Variants in MVB12B observed in about 807,000 individuals in gnomAD.
MVB12B encodes ESCRT-I complex subunit MVB12B.
MVB12B carries 16 observed loss-of-function variants against 41.6 expected under a neutral mutation model. The observed-to-expected ratio is 0.38, with a 90% CI of 0.26 to 0.58. The LOEUF is 0.58. MVB12B is among the 20% of genes least tolerant of loss of function. The pLI is 0.62. For synonymous variants in MVB12B, 133 were observed against 139.7 expected, an observed-to-expected ratio of 0.95 and a Z score of 0.34; for missense variants, 274 against 380.2, an observed-to-expected ratio of 0.72 and a Z score of 2.32.
At position 126,340,725 on chromosome 9, in the gene MVB12B, T is replaced by C. The variant is rs989555052; in HGVS notation, c.204+95T>C. 4.2e-6 allele frequency: 6 copies of C among 1,431,700 alleles called. No homozygotes were observed. The African/African-American group carries it at 8.5e-5, about 20-fold the overall frequency. The allele number at this position is 1,431,700 out of a possible 1,614,324, so 88.7% of individuals were successfully genotyped here. Reference sequence around the variant, plus strand: ...CCTTCTGGCCCTTGCGTGTAAGATGTGCTTCTTCCCTCTAGGAACTTAATC... The same window carrying C: ...CCTTCTGGCCCTTGCGTGTAAGATGCGCTTCTTCCCTCTAGGAACTTAATC... On this transcript the variant is annotated intron_variant, in intron 2 of 9. Coordinates refer to ENST00000361171, the MANE Select transcript of MVB12B (RefSeq NM_033446.3). This position sits in a 1 kb window ranked among gnomAD's most constrained non-coding sequence, Gnocchi z 4.0.
At chr9:126,404,251 G>A (rs1338927867) in intron 6 of MVB12B, among the ~76,000 whole-genome samples, 3 of 152,050 alleles carry the variant, frequency 2.0e-5, no homozygotes, top group Non-Finnish European at 2.9e-5. Flanking sequence ...CACCACACCC[G>A]GCCAACTCGT....
chr9:126,420,621 T>G (rs1473144605), intron 6 of MVB12B, among the ~76,000 whole-genome samples: 1 of 136,336 alleles, frequency 7.3e-6, no homozygotes. Context: ...CTGTTGCCCA[T>G]GCTAGAGTGC....
intron 2 of MVB12B, among the ~76,000 whole-genome samples, chr9:126,379,809 C>T (rs1050540043): frequency 1.2e-4 from 18 of 152,324 alleles, no homozygotes; most frequent in East Asian, 1.2e-3. Context: ...CTCCCGCCTC[C>T]GCCCTGAGCC....
intron 7 of MVB12B, among the ~76,000 whole-genome samples, chr9:126,477,667 C>T (rs1833446966): frequency 6.6e-6 from 1 of 152,190 alleles, no homozygotes; most frequent in African/African-American, 2.4e-5. Context: ...CAAAAACCCG[C>T]CCCCATGATT....
chr9:126,468,046 A>G lies in MVB12B; in HGVS notation c.758-13323A>G, dbSNP rs1260763057. 1.3e-5 allele frequency among the ~76,000 whole-genome samples: 2 copies of G among 152,230 alleles called. No homozygotes were observed. Among genetic ancestry groups the G allele is most frequent in the African/African-American group, 4.8e-5 (2 of 41,464 alleles). On this transcript the variant is annotated intron_variant, in intron 7 of 9. Transcript: ENST00000361171. This position sits in a 1 kb window ranked among gnomAD's most constrained non-coding sequence, Gnocchi z 4.3. ...TGCGCTTATGTATCTGTCTACAACTACATATTAAAACCGACTTTATAATGA... is the reference window on the plus strand; with the variant it reads ...TGCGCTTATGTATCTGTCTACAACTGCATATTAAAACCGACTTTATAATGA...
rs543499347 is a variant in MVB12B, at chr9:126,378,403, G to A, written c.205-2661G>A. On this transcript the variant is annotated intron_variant, in intron 2 of 9. Coordinates refer to ENST00000361171, the MANE Select transcript of MVB12B (RefSeq NM_033446.3). ...ACACCTCTGGGTACATCTTGTTGCTGTAGGAAAGACAGGCCAGAAATGCCC... is the reference window on the plus strand; with the variant it reads ...ACACCTCTGGGTACATCTTGTTGCTATAGGAAAGACAGGCCAGAAATGCCC... 3.3e-5 allele frequency among the ~76,000 whole-genome samples: 5 copies of A among 152,266 alleles called. No homozygotes were observed. In the South Asian group the frequency reaches 8.3e-4, roughly 25 times the overall value.
intron 2 of MVB12B, among the ~76,000 whole-genome samples, chr9:126,359,768 C>A (rs1248649004): frequency 6.6e-6 from 1 of 151,978 alleles, no homozygotes; most frequent in African/African-American, 2.4e-5. Context: ...TAATTGGTGT[C>A]ATCTCTCTTT....
intron 9 of MVB12B, among the ~76,000 whole-genome samples, chr9:126,498,536 G>A (rs533748555): frequency 8.5e-4 from 130 of 152,344 alleles, no homozygotes; most frequent in African/African-American, 2.6e-3. Flanking sequence ...CATGTCTGTC[G>A]GTCTGGCCCC....
chr9:126,488,756 TC>T (rs1188170398), intron 9 of MVB12B, among the ~76,000 whole-genome samples: 1 of 152,186 alleles, frequency 6.6e-6, no homozygotes, highest in Non-Finnish European at 1.5e-5. Context: ...CACTGTCCTG[TC>T]CTTCCAGAAC....
At chr9:126,460,329 C>T (rs1460805997) in intron 7 of MVB12B, among the ~76,000 whole-genome samples, 1 of 152,180 alleles carries the variant, frequency 6.6e-6, no homozygotes, top group East Asian at 1.9e-4. Context: ...AAAAGGAAAG[C>T]ATTCCACAAC....
At chr9:126,413,849 T>TGTGTGTGTGTGTGTGTGTGCGC (rs1554776184) in intron 6 of MVB12B, among the ~76,000 whole-genome samples, 3 of 148,628 alleles carry the variant, frequency 2.0e-5, no homozygotes, top group East Asian at 3.9e-4. Flanking sequence ...TGTGTGTGTG[T>TGTGTGTGTGTGTGTGTGTGCGC]GTGTATAAGG....
chr9:126,452,420 C>T (rs1224450859), intron 7 of MVB12B, among the ~76,000 whole-genome samples: 2 of 152,220 alleles, frequency 1.3e-5, no homozygotes, highest in Non-Finnish European at 2.9e-5. Flanking sequence ...TGTGCAGACC[C>T]TGCGGGCCCA....
intron 6 of MVB12B, among the ~76,000 whole-genome samples, chr9:126,399,860 A>G (rs1478573036): frequency 6.6e-6 from 1 of 152,218 alleles, no homozygotes; most frequent in African/African-American, 2.4e-5. Flanking sequence ...TGAATGATAG[A>G]ATCAATACTC....
Position 126,392,256 on chromosome 9 carries a change from C to G in MVB12B, c.539+61C>G. On this transcript the variant is annotated intron_variant, in intron 5 of 9. Coordinates refer to ENST00000361171, the MANE Select transcript of MVB12B (RefSeq NM_033446.3). The surrounding 1 kb of genome is among the most constrained non-coding windows in gnomAD (Gnocchi z 4.8). ...TTCCCTGAGAGCACTCAGGCCACTC[C>G]AGGCAATGAGGTCCAAGAGATTTCC... 1 of 1,593,898 alleles carries G rather than the reference C, an allele frequency of 6.3e-7. No homozygotes were observed.
At position 126,376,862 on chromosome 9, in the gene MVB12B, T is replaced by C. The variant is rs951479409; in HGVS notation, c.205-4202T>C. On this transcript the variant is annotated intron_variant, in intron 2 of 9. Coordinates refer to ENST00000361171, the MANE Select transcript of MVB12B (RefSeq NM_033446.3). The surrounding 1 kb of genome is among the most constrained non-coding windows in gnomAD (Gnocchi z 4.1). ...CCTGGGAGTCTAACCACTTTGTTTA[T>C]GAACCTTGTTTCAGTCTACCCAATT... 1.3e-5 allele frequency among the ~76,000 whole-genome samples: 2 copies of C among 152,160 alleles called. No individual in the cohort carries two copies. Among genetic ancestry groups the C allele is most frequent in the Non-Finnish European group, 1.5e-5 (1 of 68,026 alleles).
rs1257782614 is a variant in MVB12B, at chr9:126,392,990, ATAT to A, written c.539+798_539+800del. Among the ~76,000 whole-genome samples the A allele has an allele frequency of 3.9e-5, 6 of 152,178 alleles. No individual in the cohort carries two copies. Among genetic ancestry groups the A allele is most frequent in the Non-Finnish European group, 8.8e-5 (6 of 68,024 alleles). On this transcript the variant is annotated intron_variant, in intron 5 of 9. Transcript: ENST00000361171. The surrounding 1 kb of genome is among the most constrained non-coding windows in gnomAD (Gnocchi z 4.8). ...GGCTCCAAGTCAGGAAGAAACATAA[ATAT>A]TACACAGCTGCATGATAATTCCCCA...
chr9:126,434,245 T>TA (rs11367096), intron 7 of MVB12B, among the ~76,000 whole-genome samples: 43 of 149,900 alleles, frequency 2.9e-4, no homozygotes, highest in East Asian at 9.8e-4. Context: ...CATTTATGTT[T>TA]AAAAAAAAAA....
chr9:126,445,105 G>GA (rs1035768791), intron 7 of MVB12B, among the ~76,000 whole-genome samples: 2 of 151,938 alleles, frequency 1.3e-5, no homozygotes, highest in Non-Finnish European at 2.9e-5. Context: ...GATTTTGATT[G>GA]AAAAAAACAT....
Position 126,392,315 on chromosome 9 carries a change from T to A in MVB12B, c.539+120T>A, listed in dbSNP as rs1830981369. 1 of 1,221,628 alleles carries A rather than the reference T, an allele frequency of 8.2e-7. No individual in the cohort carries two copies. The highest frequency in any genetic ancestry group is 2.1e-5 in the Admixed American group (1 of 47,558). The allele number at this position is 1,221,628 out of a possible 1,614,324, so 75.7% of individuals were successfully genotyped here. On this transcript the variant is annotated intron_variant, in intron 5 of 9. Transcript: ENST00000361171. This position sits in a 1 kb window ranked among gnomAD's most constrained non-coding sequence, Gnocchi z 4.8. The stretch of plus-strand genomic sequence containing the variant: ...CCCCAGGCTCTCAGCCATGGGCCTC[T>A]GTCAGCCCAGTGCTCCTCGCTGCCC...
Sources: gnomAD v4.1 joint callset for allele counts (sites outside exome capture counted in the v4.1 genomes callset) on GRCh38, gnomAD v4.1.1 for gene constraint, Gnocchi (gnomAD v3.1) non-coding constraint, MANE v1.5 for transcripts, NCBI Gene and HGNC (gene_info 2026-07-23, HGNC 2026-07-21) for gene names.